TENM4: variants seen among roughly 807,000 people sequenced by gnomAD.
TENM4 encodes teneurin transmembrane protein 4.
In TENM4, 82 loss-of-function variants were observed where a neutral mutation model predicts 243.3. The observed-to-expected ratio is 0.34, with a 90% CI of 0.28 to 0.40. The LOEUF (loss-of-function observed/expected upper bound fraction) is 0.40, where lower values mean the gene tolerates loss of function less well. Ranked by LOEUF, TENM4 falls within the 10% of genes least tolerant of loss-of-function variation. The pLI, the probability that TENM4 is intolerant of heterozygous loss-of-function variation, is 1.00. For synonymous variants in TENM4, 1,412 were observed against 1,456.3 expected (o/e 0.97, Z 0.69); for missense variants, 3,138 against 3,673.3 (o/e 0.85, Z 3.77).
chr11:78,773,056 C>T (rs1042794826), intron 17 of TENM4, among the ~76,000 whole-genome samples: 3 of 152,228 alleles, frequency 2.0e-5, no homozygotes, highest in Non-Finnish European at 4.4e-5. Flanking sequence ...TAAGCAATCA[C>T]AGCTTTCTTT....
chr11:78,894,157 T>A (rs1001241167), intron 7 of TENM4, among the ~76,000 whole-genome samples: 2 of 152,172 alleles, frequency 1.3e-5, no homozygotes, highest in African/African-American at 4.8e-5. Flanking sequence ...ATTCTGATTG[T>A]TTCCTCCATC....
At chr11:78,785,409 G>T (rs552461677) in intron 16 of TENM4, among the ~76,000 whole-genome samples, 19 of 152,292 alleles carry the variant, frequency 1.2e-4, no homozygotes, top group Admixed American at 1.3e-4. Context: ...CAGTCTCCAG[G>T]AGGGACAGGA....
At chr11:78,717,594 C>T (rs571213034) in intron 25 of TENM4, among the ~76,000 whole-genome samples, 2 of 152,280 alleles carry the variant, frequency 1.3e-5, no homozygotes, top group African/African-American at 2.4e-5. Flanking sequence ...GACAAAATTG[C>T]ATGAAGAATA....
chr11:78,865,571 G>A (rs942931204), intron 9 of TENM4, among the ~76,000 whole-genome samples: 1 of 152,086 alleles, frequency 6.6e-6, no homozygotes, highest in African/African-American at 2.4e-5. Context: ...GTGTATGAAG[G>A]TGTCACTGAT....
At chr11:79,110,599 T>C (rs1259461086) in intron 4 of TENM4, among the ~76,000 whole-genome samples, 1 of 152,192 alleles carries the variant, frequency 6.6e-6, no homozygotes, top group Admixed American at 6.5e-5. Flanking sequence ...AAGAAGTCTC[T>C]GGAGTTCCTG....
intron 9 of TENM4, among the ~76,000 whole-genome samples, chr11:78,888,664 T>C (rs145372024): frequency 6.6e-6 from 1 of 152,348 alleles, no homozygotes; most frequent in East Asian, 1.9e-4. Flanking sequence ...ACAGCCCCTG[T>C]TCAGCCACAG....
At chr11:78,956,133 G>A (rs752752080) in intron 6 of TENM4, among the ~76,000 whole-genome samples, 2 of 152,116 alleles carry the variant, frequency 1.3e-5, no homozygotes, top group South Asian at 4.2e-4. Context: ...AGGAAGAAAG[G>A]AAATCAGCAC....
At chr11:78,723,966 T>C (rs1330254908) in intron 23 of TENM4, among the ~76,000 whole-genome samples, 1 of 152,126 alleles carries the variant, frequency 6.6e-6, no homozygotes, top group Non-Finnish European at 1.5e-5. Flanking sequence ...ATTAATTAAT[T>C]AACTACTTTC....
chr11:78,979,540 A>G (rs916355980), intron 6 of TENM4, among the ~76,000 whole-genome samples: 3 of 152,024 alleles, frequency 2.0e-5, no homozygotes, highest in Non-Finnish European at 4.4e-5. Context: ...CTGTGCATGC[A>G]CATATGTGTT....
intron 4 of TENM4, among the ~76,000 whole-genome samples, chr11:79,089,181 G>A (rs1182358868): frequency 6.6e-6 from 1 of 152,224 alleles, no homozygotes; most frequent in African/African-American, 2.4e-5. Context: ...TTCAAAGGGA[G>A]GGTTTTAATT....
chr11:79,104,278 A>G (rs1333556008), intron 4 of TENM4, among the ~76,000 whole-genome samples: 2 of 152,264 alleles, frequency 1.3e-5, no homozygotes, highest in African/African-American at 4.8e-5. Flanking sequence ...TAGGTATTCA[A>G]GAAATTTTTG....
At chr11:79,209,617 C>A (rs1369887802) in intron 3 of TENM4, among the ~76,000 whole-genome samples, 2 of 152,170 alleles carry the variant, frequency 1.3e-5, no homozygotes, top group African/African-American at 4.8e-5. Flanking sequence ...TGAGTAGAGA[C>A]TGGAGGTGCA....
chr11:79,415,924 C>T (rs1858803416), intron 1 of TENM4, among the ~76,000 whole-genome samples: 4 of 151,722 alleles, frequency 2.6e-5, no homozygotes. Flanking sequence ...CAACCCCTGA[C>T]CTGCTTCCTA....
At chr11:78,873,389 A>G (rs993253305) in intron 9 of TENM4, among the ~76,000 whole-genome samples, 4 of 152,232 alleles carry the variant, frequency 2.6e-5, no homozygotes, top group Admixed American at 2.0e-4. Flanking sequence ...TAGAAACAGT[A>G]TCATTTAATC....
chr11:78,772,237 C>A (rs950300861), intron 17 of TENM4, among the ~76,000 whole-genome samples: 2 of 152,106 alleles, frequency 1.3e-5, no homozygotes, highest in Admixed American at 6.5e-5. Context: ...CATCTTTAAA[C>A]CTCTCCGAGT....
chr11:78,686,586 C>T (rs545318805), intron 29 of TENM4, among the ~76,000 whole-genome samples: 9 of 152,188 alleles, frequency 5.9e-5, no homozygotes, highest in East Asian at 1.9e-4. Flanking sequence ...AGCCCTCAAC[C>T]GGTGGGATTT....
chr11:79,355,863 A>C (rs1310112443), intron 1 of TENM4, among the ~76,000 whole-genome samples: 2 of 152,226 alleles, frequency 1.3e-5, no homozygotes, highest in Admixed American at 1.3e-4. Flanking sequence ...CAAATTACGG[A>C]ACCTCAGTGG....
intron 2 of TENM4, among the ~76,000 whole-genome samples, chr11:79,238,256 C>A (rs527507416): frequency 6.6e-6 from 1 of 152,266 alleles, no homozygotes; most frequent in Non-Finnish European, 1.5e-5. Context: ...GGGTTAATTT[C>A]ATGTGTCAAG....
intron 15 of TENM4, among the ~76,000 whole-genome samples, chr11:78,791,408 G>GT (rs1256094444): frequency 2.0e-5 from 3 of 152,218 alleles, no homozygotes; most frequent in African/African-American, 7.2e-5. Flanking sequence ...TTTACATAAT[G>GT]TAAGTGGTCC....
Sources: gnomAD v4.1 joint callset for allele counts (sites outside exome capture counted in the v4.1 genomes callset) on GRCh38, gnomAD v4.1.1 for gene constraint, MANE v1.5 for transcripts, NCBI Gene and HGNC (gene_info 2026-07-23, HGNC 2026-07-21) for gene names.